The following HIVEP2 variants were observed in gnomAD, a reference collection of about 807,000 sequenced individuals.
The protein encoded by HIVEP2 is HIVEP zinc finger 2, also known as transcription factor HIVEP2.
A neutral mutation model predicts 180.7 loss-of-function variants in HIVEP2; 14 were observed. The ratio of observed to expected loss-of-function variants is 0.08; its 90% CI spans 0.05 to 0.12. The LOEUF is 0.12. Among genes scored for constraint, HIVEP2 ranks in the 10% least tolerant of loss-of-function variants. HIVEP2 has a pLI of 1.00. For missense variants in HIVEP2, 2,579 were observed against 3,008.5 expected (o/e 0.86, Z 3.34); for synonymous variants, 1,184 against 1,136.4 (o/e 1.04, Z -0.84).
At position 142,774,792 on chromosome 6, in the gene HIVEP2, G is replaced by A; in HGVS notation, c.-54C>T. 3 of 1,572,890 alleles carry A rather than the reference G, an allele frequency of 1.9e-6. No individual in the cohort carries two copies. Among genetic ancestry groups the A allele is most frequent in the Non-Finnish European group, 2.6e-6 (3 of 1,160,352 alleles). On this transcript the variant is annotated 5_prime_UTR_variant, in exon 5 of 10. Coordinates refer to ENST00000367603, the MANE Select transcript of HIVEP2 (RefSeq NM_006734.4). This position sits in a 1 kb window ranked among gnomAD's most constrained non-coding sequence, Gnocchi z 5.1. The stretch of plus-strand genomic sequence containing the variant: ...TCCCCTGAAAGCAGTGCAGACTCAT[G>A]GAGTGTCTCCAAAGCTGTGCTTCTT...
chr6:142,765,033 A>C (rs1775346936), intron 6 of HIVEP2, 59 bp from the exon 7 acceptor site: 1 of 1,463,876 alleles, frequency 6.8e-7, no homozygotes, highest in African/African-American at 1.4e-5. Flanking sequence ...GCTATATATT[A>C]AAGCAAAAGC....
chr6:142,762,491 CACATACAT>C (rs775765428), intron 7 of HIVEP2, among the ~76,000 whole-genome samples: 1 of 85,198 alleles, frequency 1.2e-5, no homozygotes, highest in African/African-American at 4.7e-5. Context: ...CACACACACA[CACATACAT>C]ATAAATTATA....
At chr6:142,848,722 C>CAA (rs199930851) in intron 1 of HIVEP2, among the ~76,000 whole-genome samples, 2,558 of 146,736 alleles carry the variant, frequency 0.017, 73 homozygotes, top group African/African-American at 0.056. Flanking sequence ...AACACTGTCT[C>CAA]AAAAAAAAAA....
chr6:142,820,886 C>A (rs1237548156), intron 2 of HIVEP2, among the ~76,000 whole-genome samples: 2 of 152,142 alleles, frequency 1.3e-5, no homozygotes, highest in African/African-American at 2.4e-5. Flanking sequence ...TCTCAGCCAG[C>A]ACTCAGATTT....
In HIVEP2 at chr6:142,770,085, G is replaced by A. The variant is rs181273304; in HGVS notation, c.4654C>T (p.Pro1552Ser). The A allele has an allele frequency of 3.1e-4, 493 of 1,614,226 alleles. 3 individuals are homozygous for A. The African/African-American group carries it at 5.6e-3, about 18-fold the overall frequency. ...EMLSGSRAPL[P>S]GQKSSGPSES... ...GAAGGCCCACTGGACTTCTGCCCCG[G>A]AAGTGGTGCCCGGGAACCGGAAAGC... The change falls in exon 5 of 10, where the codon CCG becomes TCG. Residue 1552 changes from proline (P) to serine (S), a missense_variant. By Grantham distance (74) the Pro-to-Ser change is moderately conservative. Coordinates refer to ENST00000367603, the MANE Select transcript of HIVEP2 (RefSeq NM_006734.4). This position sits in a 1 kb window ranked among gnomAD's most constrained non-coding sequence, Gnocchi z 4.7.
chr6:142,772,475 G>C lies in HIVEP2; in HGVS notation c.2264C>G (p.Thr755Arg). ...GGGCCGACATGGGTCAAAGCGTTCC[G>C]TGTGACCATGAGAAAGGTTTTCGTG... ...AGHENLSHGH[T>R]ERFDPCRPQL... Residue 755 changes from threonine to arginine, a missense_variant, in exon 5 of 10, where the codon ACG becomes AGG. Physicochemically the swap from Thr to Arg is moderately conservative, Grantham distance 71 (BLOSUM62 -1). This residue lies in a region of HIVEP2 where 524 missense variants were observed against 563.6 expected (regional missense o/e 0.93). Coordinates refer to ENST00000367603, the MANE Select transcript of HIVEP2 (RefSeq NM_006734.4). The surrounding 1 kb of genome is among the most constrained non-coding windows in gnomAD (Gnocchi z 4.9). 2.5e-6 allele frequency: 4 copies of C among 1,614,084 alleles called. No homozygotes were observed. The highest frequency in any genetic ancestry group is 1.1e-5 in the South Asian group (1 of 91,086).
At chr6:142,811,364 C>G (rs905658250) in intron 2 of HIVEP2, among the ~76,000 whole-genome samples, 1 of 152,194 alleles carries the variant, frequency 6.6e-6, no homozygotes, top group African/African-American at 2.4e-5. Context: ...AGAGTGGTCA[C>G]TTAAGATCAG....
At chr6:142,831,436 G>C (rs1304237477) in intron 2 of HIVEP2, among the ~76,000 whole-genome samples, 1 of 152,102 alleles carries the variant, frequency 6.6e-6, no homozygotes, top group Non-Finnish European at 1.5e-5. Context: ...CATCCAACAG[G>C]GCCCAGCCCG....
intron 2 of HIVEP2, among the ~76,000 whole-genome samples, chr6:142,832,444 T>C (rs974548944): frequency 6.6e-6 from 1 of 152,064 alleles, no homozygotes; most frequent in Non-Finnish European, 1.5e-5. Flanking sequence ...TATAAATTGT[T>C]AAGGGGTGAT....
At chr6:142,899,849 G>C (rs922265632) in intron 1 of HIVEP2, among the ~76,000 whole-genome samples, 1 of 152,194 alleles carries the variant, frequency 6.6e-6, no homozygotes. Context: ...AAAGGGTGAA[G>C]ATCTGTATTT....
At chr6:142,762,683 C>T (rs778696040) in intron 7 of HIVEP2, among the ~76,000 whole-genome samples, 7 of 152,150 alleles carry the variant, frequency 4.6e-5, no homozygotes, top group Non-Finnish European at 1.0e-4. Context: ...ACTCAGCCTG[C>T]TAGCACAGTT....
At chr6:142,844,780 C>A (rs1775465303) in intron 1 of HIVEP2, among the ~76,000 whole-genome samples, 1 of 152,160 alleles carries the variant, frequency 6.6e-6, no homozygotes, top group Admixed American at 6.5e-5. Flanking sequence ...AATGCACACA[C>A]ACATGCAAAC....
chr6:142,777,788 G>A (rs1044790169), intron 3 of HIVEP2, among the ~76,000 whole-genome samples: 5 of 150,970 alleles, frequency 3.3e-5, no homozygotes, highest in African/African-American at 1.2e-4. Context: ...CTTAACATGA[G>A]CATGTTTATC....
rs1035523692 is a variant in HIVEP2 at position 142,753,362 on chromosome 6, C to T, written c.7086G>A (p.Leu2362=). The T allele has an allele frequency of 6.2e-7, 1 of 1,613,952 alleles. No individual in the cohort carries two copies. The highest frequency in any genetic ancestry group is 8.5e-7 in the Non-Finnish European group (1 of 1,180,030). The change falls in exon 10 of 10, where the codon CTG becomes CTA. Residue 2362 remains leucine, a synonymous_variant. Coordinates refer to ENST00000367603, the MANE Select transcript of HIVEP2 (RefSeq NM_006734.4). Reference sequence around the variant, plus strand: ...GTCTAATGCTAACATGTGCACTTCCCAGGGGGTTCTGGTGGGGCTCCTGCA... The same window carrying T: ...GTCTAATGCTAACATGTGCACTTCCTAGGGGGTTCTGGTGGGGCTCCTGCA... ...ARVQEPHQNP[L]GSAHVSIRHF... is the part of the protein sequence containing the mutation.
At chr6:142,907,934 C>T (rs570866241) in intron 1 of HIVEP2, among the ~76,000 whole-genome samples, 4 of 152,190 alleles carry the variant, frequency 2.6e-5, no homozygotes, top group Admixed American at 6.5e-5. Context: ...AAATTTCAAG[C>T]CACTCCATTA....
At chr6:142,795,225 T>G (rs765937344) in intron 2 of HIVEP2, among the ~76,000 whole-genome samples, 1 of 152,176 alleles carries the variant, frequency 6.6e-6, no homozygotes, top group South Asian at 2.1e-4. Context: ...TGAAAGCAGT[T>G]TGCCAAAATC....
At chr6:142,868,006 T>C (rs888737059) in intron 1 of HIVEP2, among the ~76,000 whole-genome samples, 1 of 152,200 alleles carries the variant, frequency 6.6e-6, no homozygotes, top group African/African-American at 2.4e-5. Flanking sequence ...TTTATACCTC[T>C]AATCTGGCAT....
chr6:142,878,368 A>C (rs528838661), intron 1 of HIVEP2, among the ~76,000 whole-genome samples: 1 of 152,352 alleles, frequency 6.6e-6, no homozygotes, highest in African/African-American at 2.4e-5. Flanking sequence ...ATTCACAGCT[A>C]AATGGCAACG....
In HIVEP2 at chr6:142,770,448, T is replaced by C. The variant is rs1403205660; in HGVS notation, c.4291A>G (p.Ser1431Gly). The change falls in exon 5 of 10, where the codon AGC becomes GGC. Residue 1431 changes from serine (S) to glycine (G), a missense_variant. By Grantham distance (56) the Ser-to-Gly change is moderately conservative (BLOSUM62 0). This residue lies in a region of HIVEP2 where 29 missense variants were observed against 64.7 expected (regional missense o/e 0.45). Transcript: ENST00000367603. This position sits in a 1 kb window ranked among gnomAD's most constrained non-coding sequence, Gnocchi z 4.7. ...TTGCTACCTCCCAGGGTGGCCACGCTGTCAGAGGTGGAAGGTAAACACAAG... is the reference window on the plus strand; with the variant it reads ...TTGCTACCTCCCAGGGTGGCCACGCCGTCAGAGGTGGAAGGTAAACACAAG... ...IPLCLPSTSD[S>G]VATLGGSKRM... 1 of 1,614,130 alleles carries C rather than the reference T, an allele frequency of 6.2e-7. No individual in the cohort carries two copies. The highest frequency in any genetic ancestry group is 1.1e-5 in the South Asian group (1 of 91,084).
Sources: allele counts gnomAD v4.1 joint callset (sites outside exome capture counted in the v4.1 genomes callset), GRCh38; gene constraint gnomAD v4.1.1; regional missense constraint gnomAD v4.1.1; non-coding constraint Gnocchi (gnomAD v3.1); transcripts MANE v1.5; gene names NCBI Gene and HGNC (gene_info 2026-07-23, HGNC 2026-07-21).